The following ABCG8 variants were observed in gnomAD, a reference collection of about 807,000 sequenced individuals.
ABCG8 encodes ATP-binding cassette sub-family G member 8.
In ABCG8, 81 loss-of-function variants were observed where a neutral mutation model predicts 71.3. That is an observed-to-expected ratio of 1.14 (90% CI 0.95 to 1.37). The LOEUF is 1.37. Ranked by LOEUF, ABCG8 falls within the 40% of genes most tolerant of loss-of-function variation. The probability of loss-of-function intolerance (pLI) is 0.00; values close to 1 mark genes in which losing one functional copy is unlikely to be tolerated. For synonymous variants in ABCG8, 451 were observed against 354.7 expected (o/e 1.27, Z -3.05); for missense variants, 1,119 against 866.2 (o/e 1.29, Z -3.66).
intron 6 of ABCG8, among the ~76,000 whole-genome samples, chr2:43,858,525 G>A (rs1028095099): frequency 6.6e-6 from 1 of 151,496 alleles, no homozygotes; most frequent in African/African-American, 2.4e-5. Context: ...TATCTCGATA[G>A]AATTCTCACC....
intron 3 of ABCG8, 113 bp from the exon 4 acceptor site, chr2:43,851,471 C>G: frequency 8.2e-7 from 1 of 1,223,998 alleles, no homozygotes; most frequent in South Asian, 1.2e-5. Flanking sequence ...GGGCTGGTCA[C>G]ATCTGCACGG....
rs1035787826 is a variant in ABCG8 at position 43,881,217 on chromosome 2, G to C, written c.*3304G>C. 1 of 152,286 alleles carries C rather than the reference G, an allele frequency of 6.6e-6. No homozygotes were observed. The highest frequency in any genetic ancestry group is 2.4e-5 in the African/African-American group (1 of 41,476). The allele number at this position is 152,286 out of a possible 1,614,324, so 9.4% of individuals were successfully genotyped here. On this transcript the variant is annotated 3_prime_UTR_variant, in exon 13 of 13. Coordinates refer to ENST00000272286, the MANE Select transcript of ABCG8 (RefSeq NM_022437.3). Reference sequence around the variant, plus strand: ...CCGTGCTGAAGGGGAAAAGGGCAAAGTGCAAAGGCAGGAGGGATGGAGAAA... The same window carrying C: ...CCGTGCTGAAGGGGAAAAGGGCAAACTGCAAAGGCAGGAGGGATGGAGAAA...
In ABCG8 at chr2:43,871,962, T is replaced by C; in HGVS notation, c.965-14T>C. ...GGAACAGGCCACCTGTGACTCCACA[T>C]CCCCTGCTTGCAGTGGACCTGACCA... On this transcript the variant is annotated splice_polypyrimidine_tract_variant and intron_variant, in intron 6 of 12. Coordinates refer to ENST00000272286, the MANE Select transcript of ABCG8 (RefSeq NM_022437.3). 6.2e-7 allele frequency: 1 copy of C among 1,613,834 alleles called. No homozygotes were observed. The highest frequency in any genetic ancestry group is 8.5e-7 in the Non-Finnish European group (1 of 1,180,022).
chr2:43,865,237 TA>T (rs1329573324), intron 6 of ABCG8, among the ~76,000 whole-genome samples: 1 of 145,014 alleles, frequency 6.9e-6, no homozygotes, highest in African/African-American at 2.6e-5. Flanking sequence ...GAACTCTCAC[TA>T]TCTGTCTAGG....
At position 43,851,603 on chromosome 2, in the gene ABCG8, G is replaced by A. The variant is rs150970273; in HGVS notation, c.342G>A (p.Leu114=). ...TTGCAGGTTGTGGGAGAGCCTCCTT[G>A]CTAGATGTGATCACTGGCCGAGGTC... ...IGSSGCGRAS[L]LDVITGRGHG... Residue 114 remains leucine, a synonymous_variant, in exon 4 of 13, where the codon TTG becomes TTA. Coordinates refer to ENST00000272286, the MANE Select transcript of ABCG8 (RefSeq NM_022437.3). The A allele has an allele frequency of 2.4e-4, 388 of 1,614,254 alleles. No individual in the cohort carries two copies. The highest frequency in any genetic ancestry group is 3.1e-4 in the Non-Finnish European group (364 of 1,180,052).
intron 6 of ABCG8, among the ~76,000 whole-genome samples, chr2:43,866,539 A>G (rs896677740): frequency 5.3e-5 from 8 of 152,172 alleles, no homozygotes; most frequent in Non-Finnish European, 1.0e-4. Flanking sequence ...GGCGAAGGAC[A>G]TGAATAGACA....
rs1669872985 is a variant in ABCG8 at position 43,874,061 on chromosome 2, A to G, written c.1411+75A>G. 4 of 1,408,354 alleles carry G rather than the reference A, an allele frequency of 2.8e-6. No homozygotes were observed. In the East Asian group the frequency reaches 1.0e-4, roughly 36 times the overall value. 87.2% of individuals were successfully genotyped at this position (1,408,354 alleles called of 1,614,324 possible). ...GCTGTGTTCCTCTGAGCTCCTGGGG[A>G]GCGGGTTTGATTTCATTGTGATTGT... On this transcript the variant is annotated intron_variant, in intron 9 of 12. Coordinates refer to ENST00000272286, the MANE Select transcript of ABCG8 (RefSeq NM_022437.3).
rs771245445 is a variant in ABCG8 at position 43,872,246 on chromosome 2, A to G, written c.1151A>G (p.Asn384Ser). The G allele has an allele frequency of 6.2e-7, 1 of 1,613,972 alleles. No individual in the cohort carries two copies. The highest frequency in any genetic ancestry group is 8.5e-7 in the Non-Finnish European group (1 of 1,180,022). Reference sequence around the variant, plus strand: ...AGCAGCGTGACCCCACTAGACACCAACTGCCTCCCGAGTCCTACGAAGATG... The same window carrying G: ...AGCAGCGTGACCCCACTAGACACCAGCTGCCTCCCGAGTCCTACGAAGATG... ...VESSVTPLDT[N>S]CLPSPTKMPG... The change falls in exon 8 of 13, where the codon AAC becomes AGC. Residue 384 changes from asparagine (N) to serine (S), a missense_variant. Coordinates refer to ENST00000272286, the MANE Select transcript of ABCG8 (RefSeq NM_022437.3).
chr2:43,847,728 A>T (rs1393999261), intron 3 of ABCG8: 1 of 151,976 alleles, frequency 6.6e-6, no homozygotes, highest in Non-Finnish European at 1.5e-5. Flanking sequence ...TGAATAAATT[A>T]CACTGAATAG....
At chr2:43,846,445 G>C (rs1668746251) in intron 3 of ABCG8, 134 bp downstream of exon 3, 3 of 1,337,736 alleles carry the variant, frequency 2.2e-6, no homozygotes, top group Admixed American at 1.9e-5. Flanking sequence ...GAGAACACAG[G>C]TTCTGGGTCA....
At position 43,881,830 on chromosome 2, in the gene ABCG8, T is replaced by C. The variant is rs1003184311; in HGVS notation, c.*3917T>C. The C allele has an allele frequency of 2.0e-5, 3 of 152,108 alleles. No homozygotes were observed. Among genetic ancestry groups the C allele is most frequent in the Non-Finnish European group, 4.4e-5 (3 of 68,046 alleles). 9.4% of individuals were successfully genotyped at this position (152,108 alleles called of 1,614,324 possible). The stretch of plus-strand genomic sequence containing the variant: ...AGTATTGAAAGCATGGCTTGCAAAG[T>C]TTTCCTGTTAAGAGTCAGATAGTAA... On this transcript the variant is annotated 3_prime_UTR_variant, in exon 13 of 13. Transcript: ENST00000272286.
intron 6 of ABCG8, 95 bp from the exon 7 acceptor site, chr2:43,871,881 G>T: frequency 1.9e-6 from 3 of 1,559,972 alleles, no homozygotes; most frequent in South Asian, 1.1e-5. Context: ...CACGAGGGGT[G>T]ATCAGCATTG....
At chr2:43,862,336 C>G (rs1259111027) in intron 6 of ABCG8, among the ~76,000 whole-genome samples, 8 of 151,072 alleles carry the variant, frequency 5.3e-5, no homozygotes, top group African/African-American at 1.9e-4. Context: ...AGAATTCTCA[C>G]AATCTGGATA....
At chr2:43,869,848 TGGAACTCTCACTATCTATGTAGAC>T (rs1201417261) in intron 6 of ABCG8, among the ~76,000 whole-genome samples, 5 of 152,026 alleles carry the variant, frequency 3.3e-5, no homozygotes, top group Non-Finnish European at 7.4e-5. Context: ...TCTGTCTGGA[TGGAACTCTCACTATCTATGTAGAC>T]AGAATTCTCA....
At position 43,882,246 on chromosome 2, in the gene ABCG8, CTT is replaced by C. The variant is rs1253902740; in HGVS notation, c.*4336_*4337del. ...TCTACAGAGGTAGATCTCGCATTTG[CTT>C]TTGTTTTCTTCTACTTCAACTCTTG... On this transcript the variant is annotated 3_prime_UTR_variant, in exon 13 of 13. Coordinates refer to ENST00000272286, the MANE Select transcript of ABCG8 (RefSeq NM_022437.3). 2 of 150,936 alleles carry C rather than the reference CTT, an allele frequency of 1.3e-5. No homozygotes were observed. Among genetic ancestry groups the C allele is most frequent in the East Asian group, 2.0e-4 (1 of 5,116 alleles). 9.3% of individuals were successfully genotyped at this position (150,936 alleles called of 1,614,324 possible).
chr2:43,865,301 T>C (rs1669487442), intron 6 of ABCG8, among the ~76,000 whole-genome samples: 1 of 146,228 alleles, frequency 6.8e-6, no homozygotes, highest in South Asian at 2.2e-4. Flanking sequence ...GAATTCTCAG[T>C]CTCTGCATAG....
In ABCG8 at chr2:43,852,673, A is replaced by AGGCT; in HGVS notation, c.773_776dup (p.Lys260GlyfsTer17). On this transcript the variant is annotated frameshift_variant, in exon 6 of 13. Coordinates refer to ENST00000272286, the MANE Select transcript of ABCG8 (RefSeq NM_022437.3). LOFTEE classifies it high-confidence loss of function. ...CCACAACCTGGTGAAGACCTTGTCC[A>AGGCT]GGCTGGCCAAAGGCAACCGGCTGGT... is the stretch of plus-strand genomic sequence containing the variant. The AGGCT allele has an allele frequency of 6.2e-7, 1 of 1,614,158 alleles. No individual in the cohort carries two copies. The highest frequency in any genetic ancestry group is 8.5e-7 in the Non-Finnish European group (1 of 1,180,026).
chr2:43,872,126 C>G lies in ABCG8; in HGVS notation c.1115C>G (p.Thr372Ser). 1 of 1,614,098 alleles carries G rather than the reference C, an allele frequency of 6.2e-7. No homozygotes were observed. The highest frequency in any genetic ancestry group is 8.5e-7 in the Non-Finnish European group (1 of 1,180,042). ...GAGACGAAGGATCTTGACGAGGACACCTGTGTGGAAAGGTAAGGTGGCAGG... is the reference window on the plus strand; with the variant it reads ...GAGACGAAGGATCTTGACGAGGACAGCTGTGTGGAAAGGTAAGGTGGCAGG... Reference protein sequence around the residue: ...KAETKDLDEDTCVESSVTPLD... With the variant: ...KAETKDLDEDSCVESSVTPLD... The change falls in exon 7 of 13, where the codon ACC becomes AGC. Residue 372 changes from threonine to serine, a missense_variant. Transcript: ENST00000272286.
rs1243151402 is a variant in ABCG8 at position 43,872,273 on chromosome 2, C to T, written c.1178C>T (p.Pro393Leu). 1 of 1,613,984 alleles carries T rather than the reference C, an allele frequency of 6.2e-7. No homozygotes were observed. The highest frequency in any genetic ancestry group is 1.3e-5 in the African/African-American group (1 of 75,038). Reference protein sequence around the residue: ...TNCLPSPTKMPGAVQQFTTLI... With the variant: ...TNCLPSPTKMLGAVQQFTTLI... The stretch of plus-strand genomic sequence containing the variant: ...TGCCTCCCGAGTCCTACGAAGATGC[C>T]TGGGGCGGTGCAGCAGTTTACGACG... Residue 393 changes from proline to leucine, a missense_variant, in exon 8 of 13, where the codon CCT becomes CTT. By Grantham distance (98) the Pro-to-Leu change is moderately conservative. Coordinates refer to ENST00000272286, the MANE Select transcript of ABCG8 (RefSeq NM_022437.3).
Sources: gnomAD v4.1 joint callset for allele counts (sites outside exome capture counted in the v4.1 genomes callset) on GRCh38, gnomAD v4.1.1 for gene constraint, MANE v1.5 for transcripts, NCBI Gene and HGNC (gene_info 2026-07-23, HGNC 2026-07-21) for gene names.